The following MACO1 variants were observed in gnomAD, a reference collection of about 807,000 sequenced individuals.
The protein encoded by MACO1 is macoilin 1.
Under a neutral mutation model 78.7 loss-of-function variants are expected in MACO1, and 14 were observed. That is an observed-to-expected ratio of 0.18 (90% confidence interval 0.12 to 0.28). The LOEUF is 0.28. MACO1 is among the 10% of genes least tolerant of loss of function. MACO1 has a pLI of 1.00. For synonymous variants in MACO1, 288 were observed against 291.6 expected, an observed-to-expected ratio of 0.99 and a Z score of 0.12; for missense variants, 501 against 799.0, an observed-to-expected ratio of 0.63 and a Z score of 4.50.
Position 25,454,353 on chromosome 1 carries a change from A to G in MACO1, c.444A>G (p.Val148=), listed in dbSNP as rs755947915. 1.2e-6 allele frequency: 2 copies of G among 1,610,984 alleles called. No homozygotes were observed. Among genetic ancestry groups the G allele is most frequent in the Non-Finnish European group, 8.5e-7 (1 of 1,178,944 alleles). Reference sequence around the variant, plus strand: ...TTAAAGATCTCAAAAACTTTCATGTAGACCTTTGTCGTCCATTTGCTGCTC... The same window carrying G: ...TTAAAGATCTCAAAAACTTTCATGTGGACCTTTGTCGTCCATTTGCTGCTC... ...IRFKDLKNFH[V]DLCRPFAAHC... Residue 148 remains valine, a synonymous_variant, in exon 4 of 11, where the codon GTA becomes GTG. Transcript: ENST00000374343.
rs1419943043 is a variant in MACO1, at chr1:25,500,084, CTT to C, written c.*1620_*1621del. The C allele has an allele frequency of 6.6e-6, 1 of 151,136 alleles. No homozygotes were observed. The highest frequency in any genetic ancestry group is 1.9e-4 in the East Asian group (1 of 5,170). 9.4% of individuals were successfully genotyped at this position (151,136 alleles called of 1,614,324 possible). The stretch of plus-strand genomic sequence containing the variant: ...CAAAAACATGGAAAATTGTCACTGA[CTT>C]TGTTTTGAGGTTTCCCCCATTTTGC... On this transcript the variant is annotated 3_prime_UTR_variant, in exon 11 of 11. Coordinates refer to ENST00000374343, the MANE Select transcript of MACO1 (RefSeq NM_018202.6).
At chr1:25,447,991 A>C (rs2043030754) in intron 2 of MACO1, among the ~76,000 whole-genome samples, 1 of 152,178 alleles carries the variant, frequency 6.6e-6, no homozygotes, top group Non-Finnish European at 1.5e-5. Flanking sequence ...TCCAGAGGAA[A>C]GCTGCATTAT....
At position 25,489,192 on chromosome 1, in the gene MACO1, T is replaced by G. The variant is rs200116435; in HGVS notation, c.1516T>G (p.Leu506Val). The G allele has an allele frequency of 1.2e-6, 2 of 1,613,888 alleles. No individual in the cohort carries two copies. Residue 506 changes from leucine to valine, a missense_variant, in exon 9 of 11, where the codon TTA becomes GTA. Physicochemically the swap from Leu to Val is conservative, Grantham distance 32 (BLOSUM62 1). This residue lies in a region of MACO1 where 163 missense variants were observed against 271.9 expected (regional missense o/e 0.60). Coordinates refer to ENST00000374343, the MANE Select transcript of MACO1 (RefSeq NM_018202.6). ...AASRGECTET[L>V]RNRIRELEAE... ...CAAAAGGGGAGAATGCACCGAAACC[T>G]TACGGAATCGGATCAGAGAACTAGA...
intron 3 of MACO1, among the ~76,000 whole-genome samples, chr1:25,453,010 T>TG (rs2043081477): frequency 6.7e-6 from 1 of 149,144 alleles, no homozygotes; most frequent in Non-Finnish European, 1.5e-5. Flanking sequence ...GTGAATTTTT[T>TG]TTTTTTTTTT....
At position 25,443,280 on chromosome 1, in the gene MACO1, A is replaced by G. The variant is rs538279021; in HGVS notation, c.81-3482A>G. 9.2e-5 allele frequency among the ~76,000 whole-genome samples: 14 copies of G among 152,346 alleles called. No homozygotes were observed. In the East Asian group the frequency reaches 2.7e-3, roughly 29 times the overall value. On this transcript the variant is annotated intron_variant, in intron 1 of 10. Coordinates refer to ENST00000374343, the MANE Select transcript of MACO1 (RefSeq NM_018202.6). ...ATGGAGAGGGCTAAGTGAATACTGA[A>G]TCAGGCAGCTGTCTTAAACTTCTAA...
chr1:25,442,136 C>G (rs973123875), intron 1 of MACO1, among the ~76,000 whole-genome samples: 4 of 152,190 alleles, frequency 2.6e-5, no homozygotes, highest in African/African-American at 9.7e-5. Flanking sequence ...GATGGTGATT[C>G]TGCTAGTCCA....
chr1:25,475,854 T>G (rs1237848872), intron 6 of MACO1, among the ~76,000 whole-genome samples: 1 of 152,234 alleles, frequency 6.6e-6, no homozygotes, highest in Non-Finnish European at 1.5e-5. Flanking sequence ...ATACTATGTA[T>G]GTTTTGTAGC....
chr1:25,475,397 C>T (rs1337580844), intron 6 of MACO1, among the ~76,000 whole-genome samples: 1 of 151,532 alleles, frequency 6.6e-6, no homozygotes, highest in Admixed American at 6.6e-5. Flanking sequence ...GTTAAAGTTC[C>T]CCTTTTTTGG....
At chr1:25,443,814 C>T (rs1254079591) in intron 1 of MACO1, among the ~76,000 whole-genome samples, 2 of 152,294 alleles carry the variant, frequency 1.3e-5, no homozygotes, top group Admixed American at 6.5e-5. Context: ...ACTCTTTCTT[C>T]TCCACTTTGG....
Position 25,485,539 on chromosome 1 carries a change from A to G in MACO1, c.1314-74A>G. ...CTGTTTAATTGGCCTTAAGGTGATA[A>G]AGAGATGTTTCTCAAGGGTTTATAG... is the stretch of plus-strand genomic sequence containing the variant. On this transcript the variant is annotated intron_variant, in intron 7 of 10. Coordinates refer to ENST00000374343, the MANE Select transcript of MACO1 (RefSeq NM_018202.6). The surrounding 1 kb of genome is among the most constrained non-coding windows in gnomAD (Gnocchi z 4.3). 6.8e-7 allele frequency: 1 copy of G among 1,481,464 alleles called. No homozygotes were observed. Among genetic ancestry groups the G allele is most frequent in the South Asian group, 1.3e-5 (1 of 76,072 alleles). The allele number at this position is 1,481,464 out of a possible 1,614,324, so 91.8% of individuals were successfully genotyped here.
rs1417547958 is a variant in MACO1 at position 25,485,621 on chromosome 1, A to G, written c.1322A>G (p.Asn441Ser). 1 of 1,613,730 alleles carries G rather than the reference A, an allele frequency of 6.2e-7. No homozygotes were observed. The highest frequency in any genetic ancestry group is 1.7e-5 in the Admixed American group (1 of 59,896). The change falls in exon 8 of 11, where the codon AAT becomes AGT. Residue 441 changes from asparagine to serine, a missense_variant. Transcript: ENST00000374343. The surrounding 1 kb of genome is among the most constrained non-coding windows in gnomAD (Gnocchi z 4.3). ...CAATCATTTCCATATAGGTTACATA[A>G]TGCTGTGCAAATGAAGCAAAAAGAC... ...ENELLQNKLHNAVQMKQKDKQ... is the reference protein window; with the variant it reads ...ENELLQNKLHSAVQMKQKDKQ...
chr1:25,431,065 C>A lies in MACO1; in HGVS notation c.-34C>A. 6.5e-7 allele frequency: 1 copy of A among 1,541,098 alleles called. No homozygotes were observed. On this transcript the variant is annotated 5_prime_UTR_variant, in exon 1 of 11. Coordinates refer to ENST00000374343, the MANE Select transcript of MACO1 (RefSeq NM_018202.6). ...CGGCAGCTGAGGTGAGAGACGGCGG[C>A]GGCGGCGCGGGCACCCGGCCCCCCA...
At position 25,430,980 on chromosome 1, in the gene MACO1, G is replaced by A. The variant is rs1307448779; in HGVS notation, c.-119G>A. On this transcript the variant is annotated 5_prime_UTR_variant, in exon 1 of 11. It removes an upstream start codon present in the reference 5' UTR. Coordinates refer to ENST00000374343, the MANE Select transcript of MACO1 (RefSeq NM_018202.6). ...CCCTCCCCCCGGGTGCTGGCTCCAT[G>A]TCTGTGTGACCGGCCTCAGGGGTAG... The A allele has an allele frequency of 7.2e-6, 4 of 554,410 alleles. No homozygotes were observed. Among genetic ancestry groups the A allele is most frequent in the Non-Finnish European group, 1.2e-5 (4 of 338,780 alleles). 34.3% of individuals were successfully genotyped at this position (554,410 alleles called of 1,614,324 possible).
At chr1:25,491,614 G>A (rs968415320) in intron 10 of MACO1, 30 bp downstream of exon 10, 1 of 1,601,698 alleles carries the variant, frequency 6.2e-7, no homozygotes, top group South Asian at 1.1e-5. Flanking sequence ...TGGTGAGGTG[G>A]TGTGACTGAT....
chr1:25,468,915 C>T (rs1048238179), intron 6 of MACO1, among the ~76,000 whole-genome samples: 2 of 152,148 alleles, frequency 1.3e-5, no homozygotes, highest in Non-Finnish European at 2.9e-5. Context: ...GTGGCGCCAT[C>T]TGGGAAACTT....
rs1387938421 is a variant in MACO1, at chr1:25,499,603, A to G, written c.*1137A>G. ...CTCTTAAACTCAAAACTCTGCACAA[A>G]GATTTCAGTTTCAAATGTGTATTAT... is the stretch of plus-strand genomic sequence containing the variant. On this transcript the variant is annotated 3_prime_UTR_variant, in exon 11 of 11. Transcript: ENST00000374343. 7.0e-6 allele frequency: 1 copy of G among 143,596 alleles called. No homozygotes were observed. Among genetic ancestry groups the G allele is most frequent in the Non-Finnish European group, 1.5e-5 (1 of 65,934 alleles). 8.9% of individuals were successfully genotyped at this position (143,596 alleles called of 1,614,324 possible). A position where few individuals can be genotyped will look rare whatever the true frequency, so the allele number is the denominator to read the frequency against.
At position 25,478,935 on chromosome 1, in the gene MACO1, T is replaced by C. The variant is rs183058747; in HGVS notation, c.1155-5181T>C. ...AAGCCTTATTAAAGCTTGGTCCAGATGTATCTGGCCCATTATTTTTTTTTT... is the reference window on the plus strand; with the variant it reads ...AAGCCTTATTAAAGCTTGGTCCAGACGTATCTGGCCCATTATTTTTTTTTT... On this transcript the variant is annotated intron_variant, in intron 6 of 10. Coordinates refer to ENST00000374343, the MANE Select transcript of MACO1 (RefSeq NM_018202.6). Among the ~76,000 whole-genome samples the C allele has an allele frequency of 2.6e-4, 39 of 152,338 alleles. No individual in the cohort carries two copies. In the East Asian group the frequency reaches 7.5e-3, roughly 29 times the overall value.
chr1:25,445,560 T>C (rs1344051348), intron 1 of MACO1, among the ~76,000 whole-genome samples: 1 of 152,030 alleles, frequency 6.6e-6, no homozygotes, highest in Admixed American at 6.5e-5. Flanking sequence ...TTTTTTTCTT[T>C]TTTCTTTTTT....
intron 2 of MACO1, 75 bp from the exon 3 acceptor site, chr1:25,448,731 CAT>C (rs1441754368): frequency 7.4e-7 from 1 of 1,343,954 alleles, no homozygotes; most frequent in Non-Finnish European, 9.8e-7. Flanking sequence ...TTTTGTCCAA[CAT>C]GTGTTTAACA....
Sources: gnomAD v4.1 joint callset for allele counts (sites outside exome capture counted in the v4.1 genomes callset) on GRCh38, gnomAD v4.1.1 for gene constraint, gnomAD v4.1.1 regional missense constraint, Gnocchi (gnomAD v3.1) non-coding constraint, MANE v1.5 for transcripts, NCBI Gene and HGNC (gene_info 2026-07-23, HGNC 2026-07-21) for gene names.